RNF212B: variants seen among roughly 807,000 people sequenced by gnomAD.
The protein encoded by RNF212B is ring finger protein 212B.
RNF212B carries 52 observed loss-of-function variants against 55.5 expected under a neutral mutation model. That is an observed-to-expected ratio of 0.94 (90% confidence interval 0.75 to 1.18). The LOEUF (loss-of-function observed/expected upper bound fraction) is 1.18. Among genes scored for constraint, RNF212B ranks in the 50% most tolerant of loss-of-function variants. The pLI is 0.00. For missense variants in RNF212B, 289 were observed against 350.4 expected, an observed-to-expected ratio of 0.82 and a Z score of 1.40; for synonymous variants, 99 against 121.4, an observed-to-expected ratio of 0.82 and a Z score of 1.21.
chr14:23,220,853 A>G (rs966556576), intron 2 of RNF212B, among the ~76,000 whole-genome samples: 4 of 152,016 alleles, frequency 2.6e-5, no homozygotes, highest in Non-Finnish European at 4.4e-5. Context: ...AAAAACAAAT[A>G]CACAAAAAAT....
intron 2 of RNF212B, among the ~76,000 whole-genome samples, chr14:23,223,639 G>A (rs528300314): frequency 1.3e-5 from 2 of 152,196 alleles, no homozygotes; most frequent in Non-Finnish European, 2.9e-5. Flanking sequence ...ACAGGCGTGA[G>A]CCACCGCGCC....
intron 1 of RNF212B, among the ~76,000 whole-genome samples, chr14:23,191,348 CAA>C (rs776652211): frequency 1.9e-4 from 9 of 48,206 alleles, no homozygotes; most frequent in Admixed American, 4.6e-4. Context: ...GACCCTGTCT[CAA>C]AAAAAAAAAA....
Position 23,230,546 on chromosome 14 carries a change from C to T in RNF212B, c.-1-9799C>T, listed in dbSNP as rs374607127. ...GCGGGGGCCTGTAGTCCCAGCTACT[C>T]GGGAAGCTGAGGCAGGAGAATGGCG... On this transcript the variant is annotated intron_variant, in intron 2 of 15. Coordinates refer to the RNF212B transcript ENST00000399910. Among the ~76,000 whole-genome samples, 27 of 148,366 alleles carry T rather than the reference C, an allele frequency of 1.8e-4. No individual in the cohort carries two copies. The East Asian group carries it at 4.5e-3, about 25-fold the overall frequency.
chr14:23,269,901 T>A lies in RNF212B; in HGVS notation c.713T>A (p.Phe238Tyr). 1 of 1,549,788 alleles carries A rather than the reference T, an allele frequency of 6.5e-7. No individual in the cohort carries two copies. The highest frequency in any genetic ancestry group is 2.4e-5 in the East Asian group (1 of 40,924). ...SASSGQGIFS[F>Y]RPSPNGHSGH... ...TCCTCTGGACAGGGGATTTTTTCTT[T>A]CAGACCATCCCCAAATGGGCATTCA... is the stretch of plus-strand genomic sequence containing the variant. The change falls in exon 13 of 15, where the codon TTC (phenylalanine) becomes TAC (tyrosine). Residue 238 changes from phenylalanine (F) to tyrosine (Y), a missense_variant. Transcript: ENST00000430154.
At chr14:23,200,149 T>G (rs1208556758) in intron 2 of RNF212B, among the ~76,000 whole-genome samples, 2 of 152,198 alleles carry the variant, frequency 1.3e-5, no homozygotes, top group Non-Finnish European at 2.9e-5. Flanking sequence ...TTGCTTATTA[T>G]GCTTGGCCAA....
chr14:23,273,020 TCCC>T lies in RNF212B; in HGVS notation c.*133_*135del, dbSNP rs1022454985. ...CCTAGTTTCACTCTGTACCTTATGC[TCCC>T]CCCATCTTTACCCTATTCACCCTTA... is the stretch of plus-strand genomic sequence containing the variant. On this transcript the variant is annotated 3_prime_UTR_variant, in exon 15 of 15. Transcript: ENST00000430154. 1.6e-5 allele frequency: 9 copies of T among 566,630 alleles called. No individual in the cohort carries two copies. Among genetic ancestry groups the T allele is most frequent in the Admixed American group, 1.4e-4 (4 of 28,558 alleles). 35.1% of individuals were successfully genotyped at this position (566,630 alleles called of 1,614,324 possible).
At chr14:23,249,647 T>C (rs1316431923) in intron 4 of RNF212B, among the ~76,000 whole-genome samples, 3 of 152,218 alleles carry the variant, frequency 2.0e-5, no homozygotes, top group Non-Finnish European at 4.4e-5. Context: ...ACAGTGTAGT[T>C]GAATTCTTCA....
At chr14:23,218,314 G>A (rs1032654324) in intron 2 of RNF212B, among the ~76,000 whole-genome samples, 1 of 151,986 alleles carries the variant, frequency 6.6e-6, no homozygotes, top group Admixed American at 6.6e-5. Context: ...GTTGCAGTGA[G>A]CCAAGATTGC....
At chr14:23,195,377 A>G (rs1460549666) in intron 2 of RNF212B, among the ~76,000 whole-genome samples, 1 of 152,226 alleles carries the variant, frequency 6.6e-6, no homozygotes, top group East Asian at 1.9e-4. Context: ...AAGCTATCAG[A>G]GGAACCAAAT....
At chr14:23,243,436 C>A (rs1441344290) in intron 3 of RNF212B, 128 bp downstream of exon 3, 2 of 844,100 alleles carry the variant, frequency 2.4e-6, no homozygotes, top group Non-Finnish European at 3.7e-6. Context: ...TGGCTCAGGC[C>A]TGTAATCCCA....
At position 23,272,991 on chromosome 14, in the gene RNF212B, G is replaced by A; in HGVS notation, c.*100G>A. ...GCCCTGGAAAATGTATCCCTGCATT[G>A]TTTCCTAGTTTCACTCTGTACCTTA... On this transcript the variant is annotated 3_prime_UTR_variant, in exon 15 of 15. Transcript: ENST00000430154. 1 of 654,832 alleles carries A rather than the reference G, an allele frequency of 1.5e-6. No individual in the cohort carries two copies. Among genetic ancestry groups the A allele is most frequent in the Non-Finnish European group, 2.6e-6 (1 of 387,724 alleles). 40.6% of individuals were successfully genotyped at this position (654,832 alleles called of 1,614,324 possible).
At chr14:23,258,409 G>T (rs1885018880) in intron 4 of RNF212B, 140 bp from the exon 5 acceptor site, 3 of 429,910 alleles carry the variant, frequency 7.0e-6, no homozygotes, top group Middle Eastern at 7.6e-4. Flanking sequence ...CTAGTTCTGG[G>T]AAGTTGTGAA....
At chr14:23,214,694 A>G (rs550642360) in intron 2 of RNF212B, among the ~76,000 whole-genome samples, 10 of 152,066 alleles carry the variant, frequency 6.6e-5, no homozygotes, top group African/African-American at 2.4e-4. Flanking sequence ...TAATCAAAAT[A>G]GAGAGAAAAC....
In RNF212B at chr14:23,222,969, G is replaced by A. The variant is rs142973527; in HGVS notation, c.-1-17376G>A. Reference sequence around the variant, plus strand: ...CTCAGGAAGTTGAGGCAGGAGAATCGCTTGAACCTGGGAGGCAAAGGTTGC... The same window carrying A: ...CTCAGGAAGTTGAGGCAGGAGAATCACTTGAACCTGGGAGGCAAAGGTTGC... On this transcript the variant is annotated intron_variant, in intron 2 of 15. Coordinates refer to the RNF212B transcript ENST00000399910. Among the ~76,000 whole-genome samples the A allele has an allele frequency of 1.7e-4, 26 of 149,752 alleles. No homozygotes were observed. The East Asian group carries it at 4.6e-3, about 26-fold the overall frequency.
At chr14:23,200,152 T>C (rs1265576077) in intron 2 of RNF212B, among the ~76,000 whole-genome samples, 1 of 152,172 alleles carries the variant, frequency 6.6e-6, no homozygotes, top group Non-Finnish European at 1.5e-5. Flanking sequence ...CTTATTATGC[T>C]TGGCCAAATT....
chr14:23,247,210 GT>G (rs1177114674), intron 4 of RNF212B, among the ~76,000 whole-genome samples: 1 of 151,396 alleles, frequency 6.6e-6, no homozygotes, highest in Non-Finnish European at 1.5e-5. Context: ...AGGTCCACTA[GT>G]TTTCATGCAA....
chr14:23,233,741 CAAAAAA>C (rs761783082), upstream of RNF212B, among the ~76,000 whole-genome samples: 2 of 77,580 alleles, frequency 2.6e-5, no homozygotes, highest in Non-Finnish European at 2.5e-5. Flanking sequence ...GACCCTGTCT[CAAAAAA>C]AAAAAAAAAA....
At chr14:23,253,480 T>G (rs1264751781) in intron 4 of RNF212B, among the ~76,000 whole-genome samples, 1 of 152,224 alleles carries the variant, frequency 6.6e-6, no homozygotes, top group African/African-American at 2.4e-5. Context: ...CCTCTATTTC[T>G]TGTAAATTGT....
At chr14:23,191,969 G>T (rs1364291221) in intron 1 of RNF212B, among the ~76,000 whole-genome samples, 1 of 152,182 alleles carries the variant, frequency 6.6e-6, no homozygotes, top group Non-Finnish European at 1.5e-5. Context: ...TCCAAAGGAG[G>T]ATTTTACAGA....
Sources: allele counts gnomAD v4.1 joint callset (sites outside exome capture counted in the v4.1 genomes callset), GRCh38; gene constraint gnomAD v4.1.1; transcripts MANE v1.5; gene names NCBI Gene and HGNC (gene_info 2026-07-23, HGNC 2026-07-21).